Variants in ARNT2 observed in about 807,000 individuals in gnomAD.
ARNT2 encodes ARNT protein 2.
A neutral mutation model predicts 91.7 loss-of-function variants in ARNT2; 36 were observed. The ratio of observed to expected loss-of-function variants is 0.39; its 90% CI spans 0.30 to 0.52. The LOEUF is 0.52. Ranked by LOEUF, ARNT2 falls within the 20% of genes least tolerant of loss-of-function variation. ARNT2 has a pLI of 0.72. For missense variants in ARNT2, 775 were observed against 939.3 expected (o/e 0.83, Z 2.29); for synonymous variants, 365 against 347.1 (o/e 1.05, Z -0.57).
At chr15:80,583,026 C>CA (rs1898827531) in intron 17 of ARNT2, among the ~76,000 whole-genome samples, 1 of 152,132 alleles carries the variant, frequency 6.6e-6, no homozygotes, top group Non-Finnish European at 1.5e-5. Context: ...CCGATCTACT[C>CA]AAAAAAACCT....
chr15:80,442,918 A>T (rs1896216474), intron 1 of ARNT2: 8 of 985,482 alleles, frequency 8.1e-6, no homozygotes, highest in Non-Finnish European at 9.6e-6. Flanking sequence ...TGAGGCAGTG[A>T]CATCATCTCT....
chr15:80,499,603 T>C (rs1897164157), intron 5 of ARNT2, among the ~76,000 whole-genome samples: 1 of 152,220 alleles, frequency 6.6e-6, no homozygotes, highest in Admixed American at 6.5e-5. Flanking sequence ...CATGCTCAGA[T>C]TCTCAAAGAG....
At chr15:80,419,793 A>G (rs1043005943) in intron 1 of ARNT2, among the ~76,000 whole-genome samples, 2 of 152,218 alleles carry the variant, frequency 1.3e-5, no homozygotes, top group Admixed American at 1.3e-4. Context: ...TTCTTAGGGA[A>G]TTTCCATGGT....
At chr15:80,552,599 T>A in intron 9 of ARNT2, 41 bp from the exon 10 acceptor site, 1 of 1,601,746 alleles carries the variant, frequency 6.2e-7, no homozygotes, top group Non-Finnish European at 8.5e-7. Context: ...CCATCTCGTC[T>A]CTGTCAACAC....
intron 5 of ARNT2, among the ~76,000 whole-genome samples, chr15:80,485,560 A>G (rs183330334): frequency 6.6e-5 from 10 of 152,320 alleles, no homozygotes; most frequent in Non-Finnish European, 1.3e-4. Flanking sequence ...GGAGGGCAAC[A>G]AGAACAAACA....
rs1386185222 is a variant in ARNT2 at position 80,591,008 on chromosome 15, G to A, written c.1919-560G>A. On this transcript the variant is annotated intron_variant, in intron 17 of 18. Coordinates refer to ENST00000303329, the MANE Select transcript of ARNT2 (RefSeq NM_014862.4). The surrounding 1 kb of genome is among the most constrained non-coding windows in gnomAD (Gnocchi z 5.1). ...TGTAGGGGGACCTTGTATAATGCGTGTGTGGCTTCCGAGGAGTTGCTCGGG... is the reference window on the plus strand; with the variant it reads ...TGTAGGGGGACCTTGTATAATGCGTATGTGGCTTCCGAGGAGTTGCTCGGG... 6.6e-6 allele frequency among the ~76,000 whole-genome samples: 1 copy of A among 152,226 alleles called. No homozygotes were observed. The highest frequency in any genetic ancestry group is 1.5e-5 in the Non-Finnish European group (1 of 68,042).
chr15:80,502,618 C>T (rs963340710), intron 5 of ARNT2, among the ~76,000 whole-genome samples: 2 of 152,110 alleles, frequency 1.3e-5, no homozygotes, highest in African/African-American at 4.8e-5. Flanking sequence ...CTACCTTTGA[C>T]CCCATGCCAT....
At chr15:80,475,369 A>G in intron 5 of ARNT2, 146 bp downstream of exon 5, 2 of 798,974 alleles carry the variant, frequency 2.5e-6, no homozygotes, top group East Asian at 2.8e-5. Context: ...CCTGGCTAAC[A>G]TGGTGAAACC....
At chr15:80,490,680 G>A (rs889634615) in intron 5 of ARNT2, among the ~76,000 whole-genome samples, 2 of 152,220 alleles carry the variant, frequency 1.3e-5, no homozygotes, top group Non-Finnish European at 2.9e-5. Flanking sequence ...AGCAACTAGG[G>A]CTTGGCCACC....
chr15:80,505,927 GTTTTTT>G (rs1161520898), intron 5 of ARNT2, among the ~76,000 whole-genome samples: 2 of 88,930 alleles, frequency 2.2e-5, no homozygotes, highest in Non-Finnish European at 4.3e-5. Context: ...AACATTTGTT[GTTTTTT>G]TTTTTTTTTT....
rs143682066 is a variant in ARNT2, at chr15:80,420,203, G to C, written c.31+15657G>C. On this transcript the variant is annotated intron_variant, in intron 1 of 18. Coordinates refer to ENST00000303329, the MANE Select transcript of ARNT2 (RefSeq NM_014862.4). ...GAATATATGTATTGACTATACAGAT[G>C]GTCCCCAGCTTACAAGGGTTTCACT... is the stretch of plus-strand genomic sequence containing the variant. 9.0e-5 allele frequency among the ~76,000 whole-genome samples: 12 copies of C among 133,754 alleles called. No individual in the cohort carries two copies. The East Asian group carries it at 2.7e-3, about 30-fold the overall frequency. 87.7% of individuals were successfully genotyped at this position (133,754 alleles called of 152,430 possible).
chr15:80,574,166 G>A lies in ARNT2; in HGVS notation c.1335G>A (p.Gln445=). The change falls in exon 13 of 19, where the codon CAG becomes CAA. Residue 445 remains glutamine (Q), a synonymous_variant. Coordinates refer to ENST00000303329, the MANE Select transcript of ARNT2 (RefSeq NM_014862.4). ...TTCACAGGCAACTTCAGCAACAGCA[G>A]GCAGAATTGGAAGTGCACCAGAGAG... is the stretch of plus-strand genomic sequence containing the variant. ...NTNVKQLQQQ[Q]AELEVHQRDG... 1 of 1,614,188 alleles carries A rather than the reference G, an allele frequency of 6.2e-7. No homozygotes were observed. Among genetic ancestry groups the A allele is most frequent in the Non-Finnish European group, 8.5e-7 (1 of 1,180,046 alleles).
intron 17 of ARNT2, among the ~76,000 whole-genome samples, chr15:80,590,799 G>A (rs533634797): frequency 1.3e-5 from 2 of 152,288 alleles, no homozygotes; most frequent in East Asian, 3.9e-4. Context: ...TCCATTGGCT[G>A]TTTTTTTGTA....
At chr15:80,503,013 C>T (rs969158194) in intron 5 of ARNT2, among the ~76,000 whole-genome samples, 1 of 152,210 alleles carries the variant, frequency 6.6e-6, no homozygotes, top group African/African-American at 2.4e-5. Flanking sequence ...AGGAGCCAGC[C>T]TTGGCTGGAT....
intron 17 of ARNT2, among the ~76,000 whole-genome samples, chr15:80,588,024 C>T (rs547045484): frequency 2.2e-4 from 34 of 152,234 alleles, no homozygotes; most frequent in Admixed American, 2.2e-3. Flanking sequence ...AGGGAGATCA[C>T]GCCAGTAGCT....
intron 11 of ARNT2, among the ~76,000 whole-genome samples, chr15:80,559,853 G>T (rs941408312): frequency 1.3e-5 from 2 of 152,328 alleles, no homozygotes; most frequent in South Asian, 2.1e-4. Context: ...GCTTGGCCTT[G>T]GCCATCTACC....
chr15:80,589,641 A>G (rs1306656274), intron 17 of ARNT2, among the ~76,000 whole-genome samples: 1 of 152,208 alleles, frequency 6.6e-6, no homozygotes, highest in African/African-American at 2.4e-5. Flanking sequence ...GCAGGCTTCC[A>G]GAATGGGACA....
chr15:80,452,053 G>T (rs559524652), intron 2 of ARNT2, among the ~76,000 whole-genome samples: 2 of 152,334 alleles, frequency 1.3e-5, no homozygotes, highest in Non-Finnish European at 2.9e-5. Flanking sequence ...CTTAAAGGGG[G>T]CATAAGTGGA....
intron 1 of ARNT2, among the ~76,000 whole-genome samples, chr15:80,443,464 T>C (rs1896227543): frequency 6.6e-6 from 1 of 151,360 alleles, no homozygotes; most frequent in Non-Finnish European, 1.5e-5. Flanking sequence ...AGGGGCGTCC[T>C]GAGGCAGGCC....
Sources: gnomAD v4.1 joint callset for allele counts (sites outside exome capture counted in the v4.1 genomes callset) on GRCh38, gnomAD v4.1.1 for gene constraint, Gnocchi (gnomAD v3.1) non-coding constraint, MANE v1.5 for transcripts, NCBI Gene and HGNC (gene_info 2026-07-23, HGNC 2026-07-21) for gene names.